Variants in NBEA observed in about 807,000 individuals in gnomAD.
NBEA encodes neurobeachin.
In NBEA, 44 loss-of-function variants were observed where a neutral mutation model predicts 343.4. That is an observed-to-expected ratio of 0.13 (90% confidence interval 0.10 to 0.16). The LOEUF (loss-of-function observed/expected upper bound fraction) is 0.16, where lower values mean the gene tolerates loss of function less well. NBEA is among the 10% of genes least tolerant of loss of function. The probability of loss-of-function intolerance (pLI) is 1.00; values close to 1 mark genes in which losing one functional copy is unlikely to be tolerated. For synonymous variants in NBEA, 1,175 were observed against 1,238.7 expected (o/e 0.95, Z 1.08); for missense variants, 2,555 against 3,631.3 (o/e 0.70, Z 7.62).
intron 10 of NBEA, among the ~76,000 whole-genome samples, chr13:35,095,314 T>C (rs184109805): frequency 2.0e-5 from 3 of 150,870 alleles, no homozygotes; most frequent in Middle Eastern, 3.5e-3. Context: ...GGAATATAAA[T>C]ATATATATTT....
chr13:35,002,153 G>T (rs2152525254), intron 1 of NBEA, among the ~76,000 whole-genome samples: 1 of 152,266 alleles, frequency 6.6e-6, no homozygotes, highest in Admixed American at 6.5e-5. Flanking sequence ...GAGCTCAGGG[G>T]TCCCATCTGA....
chr13:35,533,715 ATTAG>A (rs1034512971), intron 41 of NBEA, among the ~76,000 whole-genome samples: 74 of 152,292 alleles, frequency 4.9e-4, no homozygotes, highest in African/African-American at 1.6e-3. Context: ...TCCTTTATAA[ATTAG>A]TTAGCCAATG....
At chr13:35,339,287 T>C (rs1051170498) in intron 36 of NBEA, among the ~76,000 whole-genome samples, 1 of 150,538 alleles carries the variant, frequency 6.6e-6, no homozygotes, top group Non-Finnish European at 1.5e-5. Context: ...CTGTTAGAGC[T>C]AATAAACAAA....
chr13:35,210,936 A>G lies in NBEA; in HGVS notation c.5522-117A>G, dbSNP rs1439481826. ...ACTAATGGCCAAATGATTAATTGTC[A>G]AATTCGGTTTTGAAAATCTGATGAG... On this transcript the variant is annotated intron_variant, in intron 32 of 58. Transcript: ENST00000379939. 4 of 1,051,778 alleles carry G rather than the reference A, an allele frequency of 3.8e-6. No homozygotes were observed. The African/African-American group carries it at 6.5e-5, about 17-fold the overall frequency. The allele number at this position is 1,051,778 out of a possible 1,614,324, so 65.2% of individuals were successfully genotyped here.
intron 41 of NBEA, among the ~76,000 whole-genome samples, chr13:35,527,571 G>T (rs1258886802): frequency 3.9e-5 from 6 of 152,202 alleles, no homozygotes; most frequent in African/African-American, 1.4e-4. Flanking sequence ...CGGAGGGCTG[G>T]CATGTCATTG....
intron 38 of NBEA, among the ~76,000 whole-genome samples, chr13:35,400,052 A>C (rs552466961): frequency 6.6e-6 from 1 of 152,172 alleles, no homozygotes; most frequent in South Asian, 2.1e-4. Context: ...GCTGACAAAT[A>C]ACCATAACAT....
intron 11 of NBEA, among the ~76,000 whole-genome samples, chr13:35,108,315 ATTTGAG>A (rs2066019495): frequency 6.6e-6 from 1 of 152,014 alleles, no homozygotes; most frequent in Non-Finnish European, 1.5e-5. Flanking sequence ...ATTTTTTGAT[ATTTGAG>A]TTTGAATTAT....
chr13:35,260,436 CTG>C (rs1228782357), intron 34 of NBEA, among the ~76,000 whole-genome samples: 2 of 152,180 alleles, frequency 1.3e-5, no homozygotes, highest in Admixed American at 1.3e-4. Context: ...CCTCAGATAA[CTG>C]TGAACCATGA....
chr13:35,536,616 T>C lies in NBEA; in HGVS notation c.6586-13861T>C, dbSNP rs74636683. ...ATTGTCAGCTGCAAGTAACAGACAC[T>C]GTAAACTGGCTTCGTAAAAAATAGA... is the stretch of plus-strand genomic sequence containing the variant. On this transcript the variant is annotated intron_variant, in intron 41 of 58. Transcript: ENST00000379939. Among the ~76,000 whole-genome samples the C allele has an allele frequency of 2.6e-5, 4 of 151,892 alleles. No homozygotes were observed. The East Asian group carries it at 7.7e-4, about 29-fold the overall frequency.
At chr13:35,057,996 A>C (rs2063331364) in intron 7 of NBEA, among the ~76,000 whole-genome samples, 1 of 152,090 alleles carries the variant, frequency 6.6e-6, no homozygotes. Context: ...CTAAGGTGTG[A>C]AATAGCCTGT....
chr13:35,386,479 ATAATAATTCACTGACTC>A (rs1291281266), intron 38 of NBEA, among the ~76,000 whole-genome samples: 1 of 152,186 alleles, frequency 6.6e-6, no homozygotes, highest in Non-Finnish European at 1.5e-5. Context: ...TGTATGTTAC[ATAATAATTCACTGACTC>A]TAAAATTTTT....
chr13:35,587,592 A>G (rs764201471), intron 46 of NBEA, among the ~76,000 whole-genome samples: 1 of 152,132 alleles, frequency 6.6e-6, no homozygotes, highest in Admixed American at 6.6e-5. Context: ...TATATATATG[A>G]TAGTATTTTG....
chr13:35,048,772 T>C (rs1160293078), intron 5 of NBEA, 88 bp downstream of exon 5: 2 of 710,338 alleles, frequency 2.8e-6, no homozygotes, highest in African/African-American at 3.6e-5. Context: ...AGATAGAATA[T>C]ATGTATATAT....
At chr13:35,610,731 G>T (rs1343453427) in intron 48 of NBEA, among the ~76,000 whole-genome samples, 2 of 152,000 alleles carry the variant, frequency 1.3e-5, no homozygotes, top group East Asian at 3.9e-4. Flanking sequence ...TAGCTTGTTT[G>T]AACACTACTG....
chr13:35,090,861 G>A (rs2065045628), intron 10 of NBEA, among the ~76,000 whole-genome samples: 1 of 151,982 alleles, frequency 6.6e-6, no homozygotes, highest in African/African-American at 2.4e-5. Flanking sequence ...GTGAATAATA[G>A]CAGGTAGAAT....
At chr13:35,240,415 A>T (rs1437543513) in intron 34 of NBEA, among the ~76,000 whole-genome samples, 1 of 151,872 alleles carries the variant, frequency 6.6e-6, no homozygotes, top group Non-Finnish European at 1.5e-5. Context: ...ATAGAGAGAC[A>T]GCTAGACAAT....
intron 55 of NBEA, among the ~76,000 whole-genome samples, chr13:35,655,953 C>T (rs1214319310): frequency 6.6e-6 from 1 of 152,144 alleles, no homozygotes; most frequent in East Asian, 1.9e-4. Flanking sequence ...GAGAGACTTC[C>T]AGATCCCCTC....
At chr13:35,481,856 AT>A (rs1248034182) in intron 41 of NBEA, among the ~76,000 whole-genome samples, 1 of 151,822 alleles carries the variant, frequency 6.6e-6, no homozygotes, top group Non-Finnish European at 1.5e-5. Flanking sequence ...ATATGGCTAC[AT>A]TTTTAGTACT....
intron 46 of NBEA, among the ~76,000 whole-genome samples, chr13:35,589,801 T>A (rs1056745009): frequency 1.1e-4 from 16 of 152,082 alleles, no homozygotes; most frequent in African/African-American, 3.9e-4. Context: ...ACAGGTACTT[T>A]CCAGTGCAGG....
Sources: allele counts gnomAD v4.1 joint callset (sites outside exome capture counted in the v4.1 genomes callset), GRCh38; gene constraint gnomAD v4.1.1; transcripts MANE v1.5; gene names NCBI Gene and HGNC (gene_info 2026-07-23, HGNC 2026-07-21).